Variants in SEL1L3 observed in about 807,000 individuals in gnomAD.
SEL1L3 encodes the protein SEL1L family member 3, also known as protein sel-1 homolog 3.
SEL1L3 carries 76 observed loss-of-function variants against 142.8 expected under a neutral mutation model. The ratio of observed to expected loss-of-function variants is 0.53; its 90% CI spans 0.44 to 0.64. The LOEUF (loss-of-function observed/expected upper bound fraction) is 0.64. Ranked by LOEUF, SEL1L3 falls within the 30% of genes least tolerant of loss-of-function variation. The pLI is 0.00. For missense variants in SEL1L3, 1,262 were observed against 1,381.7 expected, an observed-to-expected ratio of 0.91 and a Z score of 1.37; for synonymous variants, 504 against 519.6, an observed-to-expected ratio of 0.97 and a Z score of 0.41.
intron 1 of SEL1L3, among the ~76,000 whole-genome samples, chr4:25,852,112 C>T (rs972072108): frequency 6.6e-6 from 1 of 152,082 alleles, no homozygotes; most frequent in Non-Finnish European, 1.5e-5. Context: ...GGAGGAAACA[C>T]ATATAAAAAT....
the SEL1L3 span, among the ~76,000 whole-genome samples, chr4:25,717,697 G>A: frequency 6.6e-6 from 1 of 152,168 alleles, no homozygotes; most frequent in Non-Finnish European, 1.5e-5. Flanking sequence ...GAGGAATTTA[G>A]CATAGAATGC....
the SEL1L3 span, among the ~76,000 whole-genome samples, chr4:25,736,807 C>A: frequency 2.6e-5 from 4 of 151,962 alleles, no homozygotes; most frequent in African/African-American, 7.3e-5. Flanking sequence ...TTGCTTTATA[C>A]ATTTGTCATA....
At chr4:25,743,683 G>C (rs1018217845), downstream of SEL1L3, among the ~76,000 whole-genome samples, 1 of 152,190 alleles carries the variant, frequency 6.6e-6, no homozygotes, top group African/African-American at 2.4e-5. Flanking sequence ...CTTTTCCAAA[G>C]GAGCCAATCA....
At chr4:25,794,650 G>C (rs899084435) in intron 11 of SEL1L3, among the ~76,000 whole-genome samples, 3 of 152,174 alleles carry the variant, frequency 2.0e-5, no homozygotes, top group Non-Finnish European at 2.9e-5. Context: ...GTGGAAGACA[G>C]TGTGACGATT....
chr4:25,821,376 G>T (rs1714742046), intron 7 of SEL1L3, among the ~76,000 whole-genome samples: 1 of 152,196 alleles, frequency 6.6e-6, no homozygotes, highest in Non-Finnish European at 1.5e-5. Flanking sequence ...CAGAAAACAA[G>T]TGCCCTGAAG....
downstream of SEL1L3, among the ~76,000 whole-genome samples, chr4:25,742,541 C>A (rs550100337): frequency 6.6e-6 from 1 of 152,268 alleles, no homozygotes; most frequent in South Asian, 2.1e-4. Flanking sequence ...CGTGATCTGC[C>A]TGCCTCAGCC....
intron 13 of SEL1L3, among the ~76,000 whole-genome samples, chr4:25,787,864 A>C (rs769060175): frequency 2.6e-5 from 4 of 152,182 alleles, no homozygotes; most frequent in Non-Finnish European, 4.4e-5. Context: ...GCCCAATTAC[A>C]CACTATGTTT....
intron 11 of SEL1L3, among the ~76,000 whole-genome samples, chr4:25,792,191 A>T (rs11944026): frequency 0.69 from 104,517 of 152,042 alleles, 37,308 homozygotes; most frequent in African/African-American, 0.89. Context: ...GATACGTGGT[A>T]TTTTTTTCCT....
the SEL1L3 span, among the ~76,000 whole-genome samples, chr4:25,724,754 A>AAAAAAAAAAAC: frequency 7.9e-6 from 1 of 127,132 alleles, no homozygotes; most frequent in East Asian, 2.4e-4. Flanking sequence ...AAAAAAAAAA[A>AAAAAAAAAAAC]AAAAAAAAAA....
At chr4:25,771,368 A>G (rs1248889823) in intron 17 of SEL1L3, among the ~76,000 whole-genome samples, 1 of 152,224 alleles carries the variant, frequency 6.6e-6, no homozygotes, top group Non-Finnish European at 1.5e-5. Flanking sequence ...GAAAGAATTT[A>G]AGGACACATT....
intron 5 of SEL1L3, among the ~76,000 whole-genome samples, chr4:25,830,488 T>C (rs918448399): frequency 6.6e-6 from 1 of 152,210 alleles, no homozygotes; most frequent in African/African-American, 2.4e-5. Context: ...TGTATGACAC[T>C]ACAAGGAGTG....
At chr4:25,763,911 G>T (rs185421754) in intron 20 of SEL1L3, among the ~76,000 whole-genome samples, 20 of 152,260 alleles carry the variant, frequency 1.3e-4, no homozygotes, top group African/African-American at 4.3e-4. Flanking sequence ...TCCAGTTTTT[G>T]CTCAGTGGTC....
intron 6 of SEL1L3, among the ~76,000 whole-genome samples, chr4:25,825,776 G>A (rs943594013): frequency 7.0e-6 from 1 of 142,222 alleles, no homozygotes; most frequent in Admixed American, 7.8e-5. Context: ...CTGGGTTCAA[G>A]CGATTCTCCT....
In SEL1L3 at chr4:25,862,985, C is replaced by T. The variant is rs1292148634; in HGVS notation, c.-149G>A. The T allele has an allele frequency of 2.7e-6, 1 of 368,224 alleles. No homozygotes were observed. Among genetic ancestry groups the T allele is most frequent in the Non-Finnish European group, 3.7e-6 (1 of 268,612 alleles). The allele number at this position is 368,224 out of a possible 1,614,324, so 22.8% of individuals were successfully genotyped here. ...CCACCTCCGGACCCGCCGCCGCCGC[C>T]ACTGCCGCTCCCGCCGTCGCCGCCC... On this transcript the variant is annotated 5_prime_UTR_variant, in exon 1 of 24. Transcript: ENST00000399878.
chr4:25,856,610 A>AC (rs1211853187), intron 1 of SEL1L3, among the ~76,000 whole-genome samples: 7 of 151,692 alleles, frequency 4.6e-5, no homozygotes, highest in Admixed American at 6.6e-5. Flanking sequence ...AAAAAAAAAA[A>AC]AAACAAAGAA....
intron 2 of SEL1L3, among the ~76,000 whole-genome samples, chr4:25,846,496 A>G (rs1716519148): frequency 6.6e-6 from 1 of 152,204 alleles, no homozygotes; most frequent in African/African-American, 2.4e-5. Flanking sequence ...ACAGAGATAG[A>G]AAGTGGCAGG....
At chr4:25,814,350 G>A (rs73115750) in intron 9 of SEL1L3, among the ~76,000 whole-genome samples, 1,546 of 152,228 alleles carry the variant, frequency 0.01, 24 homozygotes, top group African/African-American at 0.035. Context: ...ATGAATGAAA[G>A]GTTGTGAGTG....
chr4:25,838,483 G>A (rs964831833), intron 2 of SEL1L3, among the ~76,000 whole-genome samples: 1 of 152,140 alleles, frequency 6.6e-6, no homozygotes, highest in African/African-American at 2.4e-5. Context: ...ACTCAAACCT[G>A]GCCTCCCCAC....
At chr4:25,824,679 A>G (rs1431888939) in intron 6 of SEL1L3, among the ~76,000 whole-genome samples, 1 of 152,222 alleles carries the variant, frequency 6.6e-6, no homozygotes, top group Non-Finnish European at 1.5e-5. Context: ...CTATAATCTC[A>G]GCACTTTGGA....
Sources: gnomAD v4.1 joint callset for allele counts (sites outside exome capture counted in the v4.1 genomes callset) on GRCh38, gnomAD v4.1.1 for gene constraint, MANE v1.5 for transcripts, NCBI Gene and HGNC (gene_info 2026-07-23, HGNC 2026-07-21) for gene names.